The following ABAT variants were observed in gnomAD, a reference collection of about 807,000 sequenced individuals.
The protein encoded by ABAT is 4-aminobutyrate aminotransferase, mitochondrial.
In ABAT, 45 loss-of-function variants were observed where a neutral mutation model predicts 64.6. The observed-to-expected ratio is 0.70, with a 90% CI of 0.55 to 0.89. The LOEUF is 0.89. Ranked by LOEUF, ABAT falls within the 40% of genes least tolerant of loss-of-function variation. The probability of loss-of-function intolerance (pLI) is 0.00; values close to 1 mark genes in which losing one functional copy is unlikely to be tolerated. For missense variants in ABAT, 633 were observed against 658.4 expected, an observed-to-expected ratio of 0.96 and a Z score of 0.42; for synonymous variants, 297 against 250.5, an observed-to-expected ratio of 1.19 and a Z score of -1.75.
chr16:8,679,526 C>CAAAAA (rs35069718), intron 1 of ABAT, among the ~76,000 whole-genome samples: 48 of 133,670 alleles, frequency 3.6e-4, no homozygotes, highest in Non-Finnish European at 7.1e-4. Context: ...ACATGAAAGC[C>CAAAAA]AAAAAAAAAA....
intron 4 of ABAT, among the ~76,000 whole-genome samples, chr16:8,749,800 C>T (rs545141259): frequency 3.1e-4 from 47 of 152,024 alleles, no homozygotes; most frequent in African/African-American, 1.1e-3. Context: ...CTGCAACCTC[C>T]GCCTCCCGGG....
intron 1 of ABAT, among the ~76,000 whole-genome samples, chr16:8,687,409 C>A (rs954474730): frequency 6.6e-6 from 1 of 152,178 alleles, no homozygotes; most frequent in African/African-American, 2.4e-5. Context: ...GCCTGTAATC[C>A]CAGCCACACG....
At chr16:8,760,043 C>T (rs2059752924) in intron 6 of ABAT, 1 of 152,250 alleles carries the variant, frequency 6.6e-6, no homozygotes, top group Non-Finnish European at 1.5e-5. Flanking sequence ...ATTTGCATAG[C>T]TCCAGTTCAG....
At chr16:8,761,573 G>C (rs1301339037) in intron 6 of ABAT, among the ~76,000 whole-genome samples, 3 of 152,232 alleles carry the variant, frequency 2.0e-5, no homozygotes, top group Non-Finnish European at 4.4e-5. Context: ...GTCTGGGTTG[G>C]GTTGTTCTGC....
Position 8,695,349 on chromosome 16 carries a change from G to C in ABAT, c.-42+20638G>C, listed in dbSNP as rs1332705260. Among the ~76,000 whole-genome samples, 3 of 152,220 alleles carry C rather than the reference G, an allele frequency of 2.0e-5. No homozygotes were observed. In the East Asian group the frequency reaches 5.8e-4, roughly 29 times the overall value. On this transcript the variant is annotated intron_variant, in intron 1 of 15. Coordinates refer to ENST00000268251, the MANE Select transcript of ABAT (RefSeq NM_020686.6). ...ATACTGGTTAAGAGGCCAGCGCCTTGCTGTAGTTTTAATTTCCTGCAGGAT... is the reference window on the plus strand; with the variant it reads ...ATACTGGTTAAGAGGCCAGCGCCTTCCTGTAGTTTTAATTTCCTGCAGGAT...
chr16:8,748,175 T>C lies in ABAT; in HGVS notation c.198+38T>C, dbSNP rs774558589. On this transcript the variant is annotated intron_variant, in intron 4 of 15. Transcript: ENST00000268251. ...GAGGTAACTTTCCTTCTGTTGCTTCTTTATCACAATTGAGCTAAAAGACAG... is the reference window on the plus strand; with the variant it reads ...GAGGTAACTTTCCTTCTGTTGCTTCCTTATCACAATTGAGCTAAAAGACAG... 6 of 1,586,910 alleles carry C rather than the reference T, an allele frequency of 3.8e-6. No homozygotes were observed. In the Admixed American group the frequency reaches 6.7e-5, roughly 18 times the overall value.
chr16:8,774,704 G>A (rs2060215022), intron 12 of ABAT, among the ~76,000 whole-genome samples, 186 bp from the exon 13 acceptor site: 1 of 152,194 alleles, frequency 6.6e-6, no homozygotes, highest in Non-Finnish European at 1.5e-5. Context: ...GGTTGGAACT[G>A]CTCAGCTTAA....
Position 8,734,786 on chromosome 16 carries a change from A to G in ABAT, c.-41-913A>G, listed in dbSNP as rs182678900. Among the ~76,000 whole-genome samples the G allele has an allele frequency of 5.3e-5, 8 of 152,294 alleles. No individual in the cohort carries two copies. The East Asian group carries it at 9.6e-4, about 18-fold the overall frequency. ...AACAAAACAGGTTTTTAGCAGAAAG[A>G]TGTACAGACAGAAGGAGGCACACAA... On this transcript the variant is annotated intron_variant, in intron 1 of 15. Coordinates refer to ENST00000268251, the MANE Select transcript of ABAT (RefSeq NM_020686.6).
intron 2 of ABAT, among the ~76,000 whole-genome samples, chr16:8,745,750 T>C (rs1422700405): frequency 1.3e-5 from 2 of 152,210 alleles, no homozygotes; most frequent in Non-Finnish European, 2.9e-5. Context: ...CTTGTACTCA[T>C]GCCAGTAAAA....
chr16:8,704,379 C>T (rs60118428), intron 1 of ABAT, among the ~76,000 whole-genome samples: 6,205 of 152,294 alleles, frequency 0.041, 416 homozygotes, highest in African/African-American at 0.14. Flanking sequence ...GGGCTGCCAT[C>T]CACTGAAGTT....
chr16:8,766,349 A>G lies in ABAT; in HGVS notation c.603+79A>G, dbSNP rs1007457035. 1.1e-4 allele frequency: 155 copies of G among 1,431,978 alleles called. 1 individual carries two copies. Among genetic ancestry groups the G allele is most frequent in the Non-Finnish European group, 1.4e-4 (146 of 1,026,598 alleles). 88.7% of individuals were successfully genotyped at this position (1,431,978 alleles called of 1,614,324 possible). On this transcript the variant is annotated intron_variant, in intron 9 of 15. Transcript: ENST00000268251. ...CCCGGGCTGTTGCTGGCTGGCTGGCACTGTCCTCAATTAGGAAGGGCCAGG... is the reference window on the plus strand; with the variant it reads ...CCCGGGCTGTTGCTGGCTGGCTGGCGCTGTCCTCAATTAGGAAGGGCCAGG...
At chr16:8,750,635 C>A (rs907115945) in intron 5 of ABAT, 96 bp downstream of exon 5, 3 of 1,091,324 alleles carry the variant, frequency 2.7e-6, no homozygotes, top group Non-Finnish European at 4.2e-6. Context: ...CCAGCAGGCA[C>A]ATCCCAGAGT....
intron 5 of ABAT, among the ~76,000 whole-genome samples, chr16:8,755,553 C>T (rs2059625267): frequency 6.6e-6 from 1 of 152,194 alleles, no homozygotes; most frequent in South Asian, 2.1e-4. Context: ...GTGTAATTAT[C>T]TCCCAGTACT....
chr16:8,715,021 C>T (rs568328834), intron 1 of ABAT: 1 of 152,274 alleles, frequency 6.6e-6, no homozygotes, highest in East Asian at 1.9e-4. Context: ...TTAACTTCCA[C>T]CCAAGAACAG....
intron 1 of ABAT, among the ~76,000 whole-genome samples, chr16:8,707,784 G>A (rs992465628): frequency 2.0e-5 from 3 of 152,064 alleles, no homozygotes; most frequent in African/African-American, 7.2e-5. Context: ...TTCCCAGGCT[G>A]GTCTTGAACT....
chr16:8,760,813 G>A lies in ABAT; in HGVS notation c.366+3007G>A, dbSNP rs147913475. Among the ~76,000 whole-genome samples, 625 of 152,294 alleles carry A rather than the reference G, an allele frequency of 4.1e-3. 1 individual carries two copies. Among genetic ancestry groups the A allele is most frequent in the Middle Eastern group, 6.8e-3 (2 of 294 alleles). Reference sequence around the variant, plus strand: ...ATTCCGGCTGCATGTGGTGGCTCACGCCTGTAATCTCAGCACTCTGGGAGG... The same window carrying A: ...ATTCCGGCTGCATGTGGTGGCTCACACCTGTAATCTCAGCACTCTGGGAGG... On this transcript the variant is annotated intron_variant, in intron 6 of 15. Transcript: ENST00000268251.
rs756005421 is a variant in ABAT at position 8,779,547 on chromosome 16, T to C, written c.1338T>C (p.Asp446=). The part of the protein sequence containing the change: ...RGTFCSFDTP[D]DSIRNKLILI... ...CCTTTTGCTCCTTCGATACTCCCGA[T>C]GATTCCATACGGAATAAGCTCATTT... Residue 446 remains aspartate (D), a synonymous_variant, in exon 15 of 16, where the codon GAT becomes GAC. Coordinates refer to ENST00000268251, the MANE Select transcript of ABAT (RefSeq NM_020686.6). The C allele has an allele frequency of 7.4e-6, 12 of 1,614,198 alleles. No individual in the cohort carries two copies. The highest frequency in any genetic ancestry group is 3.3e-4 in the Middle Eastern group (2 of 6,060).
At chr16:8,695,516 T>C (rs561680520) in intron 1 of ABAT, among the ~76,000 whole-genome samples, 17 of 152,222 alleles carry the variant, frequency 1.1e-4, no homozygotes, top group South Asian at 6.2e-4. Context: ...AAGAATAGGA[T>C]GAGTTTTGCT....
chr16:8,749,118 G>A (rs574042410), intron 4 of ABAT, among the ~76,000 whole-genome samples: 1 of 142,272 alleles, frequency 7.0e-6, no homozygotes, highest in South Asian at 2.2e-4. Flanking sequence ...ACGGAGTTTT[G>A]CTCTTATTGC....
Sources: gnomAD v4.1 joint callset for allele counts (sites outside exome capture counted in the v4.1 genomes callset) on GRCh38, gnomAD v4.1.1 for gene constraint, MANE v1.5 for transcripts, NCBI Gene and HGNC (gene_info 2026-07-23, HGNC 2026-07-21) for gene names.